The following TGFB3 variants were observed in gnomAD, a reference collection of about 807,000 sequenced individuals.
TGFB3 encodes the protein transforming growth factor beta 3.
Under a neutral mutation model 40.1 loss-of-function variants are expected in TGFB3, and 5 were observed. The observed-to-expected ratio is 0.12, with a 90% confidence interval of 0.07 to 0.26. TGFB3 has a LOEUF of 0.26. Among genes scored for constraint, TGFB3 ranks in the 10% least tolerant of loss-of-function variants. TGFB3 has a pLI of 1.00. For missense variants in TGFB3, 373 were observed against 530.1 expected, an observed-to-expected ratio of 0.70 and a Z score of 2.91; for synonymous variants, 184 against 205.6, an observed-to-expected ratio of 0.89 and a Z score of 0.90.
intron 6 of TGFB3, chr14:75,960,266 T>TA (rs1184460363): frequency 5.2e-5 from 8 of 152,964 alleles, no homozygotes; most frequent in Non-Finnish European, 1.2e-4. Flanking sequence ...AGAAAACACT[T>TA]ACATTGCTCT....
At chr14:75,970,785 T>C (rs4252328) in intron 3 of TGFB3, 254,988 of 353,134 alleles carry the variant, frequency 0.72, 94,177 homozygotes, top group Non-Finnish European at 0.77. Flanking sequence ...GCACATCCCT[T>C]ATTCTGATCT....
intron 3 of TGFB3, among the ~76,000 whole-genome samples, chr14:75,967,089 C>T (rs1013509069): frequency 3.9e-5 from 6 of 152,158 alleles, no homozygotes; most frequent in Admixed American, 3.9e-4. Flanking sequence ...CAGGGCAAAC[C>T]CCAAAAAGTC....
At chr14:75,968,520 G>C (rs1043424775) in intron 3 of TGFB3, among the ~76,000 whole-genome samples, 1 of 152,182 alleles carries the variant, frequency 6.6e-6, no homozygotes, top group Admixed American at 6.5e-5. Context: ...GTGAAAATAA[G>C]AACTCCTTCA....
rs748634626 is a variant in TGFB3, at chr14:75,958,591, G to C, written c.*596C>G. The C allele has an allele frequency of 1.2e-5, 2 of 168,166 alleles. No individual in the cohort carries two copies. Among genetic ancestry groups the C allele is most frequent in the Non-Finnish European group, 2.6e-5 (2 of 76,982 alleles). 10.4% of individuals were successfully genotyped at this position (168,166 alleles called of 1,614,324 possible). A position where few individuals can be genotyped will look rare whatever the true frequency, so the allele number is the denominator to read the frequency against. ...GCATGACCTGGATTTTCTCCCTGTA[G>C]TGACCCACGATGTTAATTGATGTAG... On this transcript the variant is annotated 3_prime_UTR_variant, in exon 7 of 7. Transcript: ENST00000238682.
chr14:75,973,876 T>C (rs1015101277), intron 1 of TGFB3, among the ~76,000 whole-genome samples: 3 of 152,126 alleles, frequency 2.0e-5, no homozygotes, highest in African/African-American at 7.2e-5. Context: ...GCACGGTGGC[T>C]CACGCCTGTA....
At chr14:75,972,536 G>A (rs1196569886) in intron 1 of TGFB3, among the ~76,000 whole-genome samples, 1 of 152,196 alleles carries the variant, frequency 6.6e-6, no homozygotes, top group African/African-American at 2.4e-5. Context: ...GAAATCAAAG[G>A]AGGGAAATGG....
intron 1 of TGFB3, among the ~76,000 whole-genome samples, chr14:75,974,968 G>A (rs2035336050): frequency 6.6e-6 from 1 of 151,868 alleles, no homozygotes. Context: ...GCACATGTCT[G>A]TTATTTCAGC....
At chr14:75,964,760 A>C (rs1348223579) in intron 4 of TGFB3, among the ~76,000 whole-genome samples, 1 of 152,216 alleles carries the variant, frequency 6.6e-6, no homozygotes, top group Non-Finnish European at 1.5e-5. Context: ...AAGGACTCCA[A>C]AGGTCCTCTG....
intron 5 of TGFB3, 53 bp downstream of exon 5, chr14:75,963,263 A>T (rs1595338970): frequency 1.2e-6 from 2 of 1,608,146 alleles, no homozygotes; most frequent in Admixed American, 3.3e-5. Context: ...TGACCTAGCC[A>T]TTGGGCAGTA....
rs142318329 is a variant in TGFB3 at position 75,973,792 on chromosome 14, G to A, written c.353-2074C>T. On this transcript the variant is annotated intron_variant, in intron 1 of 6. Coordinates refer to ENST00000238682, the MANE Select transcript of TGFB3 (RefSeq NM_003239.5). The stretch of plus-strand genomic sequence containing the variant: ...AAAGTAAATAAATAACACAGCTCCA[G>A]TGACTACAAGAGGAATAAAGGGTAA... 3.9e-5 allele frequency among the ~76,000 whole-genome samples: 6 copies of A among 152,208 alleles called. No homozygotes were observed. In the South Asian group the frequency reaches 1.2e-3, roughly 32 times the overall value.
rs2035397259 is a variant in TGFB3, at chr14:75,979,623, G to A, written c.352+919C>T. 6.6e-6 allele frequency among the ~76,000 whole-genome samples: 1 copy of A among 151,904 alleles called. No individual in the cohort carries two copies. Among genetic ancestry groups the A allele is most frequent in the Non-Finnish European group, 1.5e-5 (1 of 67,962 alleles). ...TTCCACACGTGTACCAACACACACA[G>A]ACATCTCGCCCAGAAGCCGCCCGGC... is the stretch of plus-strand genomic sequence containing the variant. On this transcript the variant is annotated intron_variant, in intron 1 of 6. Coordinates refer to ENST00000238682, the MANE Select transcript of TGFB3 (RefSeq NM_003239.5). This position sits in a 1 kb window ranked among gnomAD's most constrained non-coding sequence, Gnocchi z 4.8.
At chr14:75,974,873 T>G (rs997171055) in intron 1 of TGFB3, among the ~76,000 whole-genome samples, 5 of 152,030 alleles carry the variant, frequency 3.3e-5, no homozygotes, top group Middle Eastern at 3.4e-3. Flanking sequence ...GGTGGATTGC[T>G]TGAGCTCAGG....
Position 75,971,227 on chromosome 14 carries a change from T to C in TGFB3, c.545A>G (p.Lys182Arg). 1 of 1,614,088 alleles carries C rather than the reference T, an allele frequency of 6.2e-7. No homozygotes were observed. The highest frequency in any genetic ancestry group is 8.5e-7 in the Non-Finnish European group (1 of 1,180,010). Residue 182 changes from lysine (K) to arginine (R), a missense_variant, in exon 3 of 7, where the codon AAA becomes AGA. Coordinates refer to ENST00000238682, the MANE Select transcript of TGFB3 (RefSeq NM_003239.5). The surrounding 1 kb of genome is among the most constrained non-coding windows in gnomAD (Gnocchi z 4.5). ...ATTCTTGCCACCGATATAGCGCTGTTTGGCAATGTGCTCATCTGGCCGAAG... is the reference window on the plus strand; with the variant it reads ...ATTCTTGCCACCGATATAGCGCTGTCTGGCAATGTGCTCATCTGGCCGAAG... ...QILRPDEHIAKQRYIGGKNLP... is the reference protein window; with the variant it reads ...QILRPDEHIARQRYIGGKNLP...
At chr14:75,977,916 C>A (rs530637713) in intron 1 of TGFB3, among the ~76,000 whole-genome samples, 7 of 152,026 alleles carry the variant, frequency 4.6e-5, no homozygotes, top group African/African-American at 1.7e-4. Context: ...AGGTTAGGGT[C>A]CCTGCTCTTT....
In TGFB3 at chr14:75,978,287, G is replaced by T. The variant is rs2035379316; in HGVS notation, c.352+2255C>A. On this transcript the variant is annotated intron_variant, in intron 1 of 6. Transcript: ENST00000238682. The surrounding 1 kb of genome is among the most constrained non-coding windows in gnomAD (Gnocchi z 5.0). The stretch of plus-strand genomic sequence containing the variant: ...GTCTGCCCTCATGAGTTAAAGACAG[G>T]CTTCCTTCCCCCACCCCGCCCCGCC... 1.3e-5 allele frequency among the ~76,000 whole-genome samples: 2 copies of T among 152,138 alleles called. No individual in the cohort carries two copies. The highest frequency in any genetic ancestry group is 1.3e-4 in the Admixed American group (2 of 15,278).
At chr14:75,963,142 GAA>G in intron 5 of TGFB3, 172 bp downstream of exon 5, 1 of 784,698 alleles carries the variant, frequency 1.3e-6, no homozygotes, top group Non-Finnish European at 2.1e-6. Context: ...CAGGAAAACA[GAA>G]AGAGATTTCA....
chr14:75,966,277 G>T (rs1381732630), intron 3 of TGFB3: 1 of 169,608 alleles, frequency 5.9e-6, no homozygotes, highest in African/African-American at 2.4e-5. Context: ...TAGAGGCAAG[G>T]TCACTTGCAA....
rs764219662 is a variant in TGFB3, at chr14:75,980,857, C to A, written c.37G>T (p.Ala13Ser). 21 of 1,614,124 alleles carry A rather than the reference C, an allele frequency of 1.3e-5. No individual in the cohort carries two copies. The South Asian group carries it at 2.2e-4, about 17-fold the overall frequency. Residue 13 changes from alanine (A) to serine (S), a missense_variant, in exon 1 of 7, where the codon GCC becomes TCC. Ala to Ser is a moderately conservative substitution (Grantham distance 99). Transcript: ENST00000238682. This position sits in a 1 kb window ranked among gnomAD's most constrained non-coding sequence, Gnocchi z 4.3. ...CTGACCGTGGCAAAGTTCAGCAGGG[C>A]CAGGACCACCAGAGCCCTTTGCAAG... ...MHLQRALVVL[A>S]LLNFATVSLS... is the part of the protein sequence containing the mutation.
chr14:75,982,643 G>A (rs1344481452), upstream of TGFB3: 1 of 151,716 alleles, frequency 6.6e-6, no homozygotes, highest in Non-Finnish European at 1.5e-5. The surrounding 1 kb of genome is among the most constrained non-coding windows in gnomAD (Gnocchi z 4.0). Flanking sequence ...AAGGAGCTCG[G>A]CTGGTCGGGA....
Sources: gnomAD v4.1 joint callset for allele counts (sites outside exome capture counted in the v4.1 genomes callset) on GRCh38, gnomAD v4.1.1 for gene constraint, Gnocchi (gnomAD v3.1) non-coding constraint, MANE v1.5 for transcripts, NCBI Gene and HGNC (gene_info 2026-07-23, HGNC 2026-07-21) for gene names.